SNTB2: variants seen among roughly 807,000 people sequenced by gnomAD.
SNTB2 encodes syntrophin beta 2, also known as beta-2-syntrophin.
Under a neutral mutation model 46.2 loss-of-function variants are expected in SNTB2, and 34 were observed. The observed-to-expected ratio is 0.74, with a 90% confidence interval of 0.56 to 0.98. The LOEUF (loss-of-function observed/expected upper bound fraction) is 0.98. Ranked by LOEUF, SNTB2 falls within the 50% of genes least tolerant of loss-of-function variation. SNTB2 has a pLI of 0.00. For synonymous variants in SNTB2, 290 were observed against 312.6 expected (o/e 0.93, Z 0.76); for missense variants, 603 against 731.4 (o/e 0.82, Z 2.02).
At chr16:69,219,678 T>C (rs1263790825) in intron 1 of SNTB2, among the ~76,000 whole-genome samples, 1 of 152,220 alleles carries the variant, frequency 6.6e-6, no homozygotes, top group Non-Finnish European at 1.5e-5. Flanking sequence ...AATTATTTAA[T>C]AGTTTGTACG....
At chr16:69,260,028 T>C in intron 2 of SNTB2, 22 bp from the exon 3 acceptor site, 1 of 1,603,984 alleles carries the variant, frequency 6.2e-7, no homozygotes, top group Non-Finnish European at 8.5e-7. Flanking sequence ...GCTCACTTTT[T>C]TTTTTTTCTT....
At chr16:69,213,787 C>T (rs900821967) in intron 1 of SNTB2, among the ~76,000 whole-genome samples, 2 of 149,756 alleles carry the variant, frequency 1.3e-5, no homozygotes, top group East Asian at 2.0e-4. Flanking sequence ...TGTGAGCCAC[C>T]GTGCCCAGCT....
intron 1 of SNTB2, among the ~76,000 whole-genome samples, chr16:69,228,265 G>T (rs970133793): frequency 6.6e-6 from 1 of 151,940 alleles, no homozygotes; most frequent in Non-Finnish European, 1.5e-5. Flanking sequence ...CAGCACTTTG[G>T]GAGGCTGACG....
intron 4 of SNTB2, 72 bp from the exon 5 acceptor site, chr16:69,283,976 T>G (rs1266244590): frequency 2.9e-6 from 4 of 1,386,324 alleles, no homozygotes; most frequent in Non-Finnish European, 3.9e-6. Context: ...CTCTTATCAA[T>G]GAGCACAAAT....
At chr16:69,219,327 A>T (rs1964377760) in intron 1 of SNTB2, among the ~76,000 whole-genome samples, 1 of 152,178 alleles carries the variant, frequency 6.6e-6, no homozygotes, top group Non-Finnish European at 1.5e-5. Flanking sequence ...GAATAGGGAG[A>T]TGTTAATTTA....
In SNTB2 at chr16:69,303,123, TC is replaced by T. The variant is rs1965289906; in HGVS notation, c.*2202del. ...CTCAAGTGATCCACCTGCCTTGGCC[TC>T]CCAAAGTGCTGGGATTATAGGTGTG... On this transcript the variant is annotated 3_prime_UTR_variant, in exon 7 of 7. Transcript: ENST00000336278. 1 of 152,198 alleles carries T rather than the reference TC, an allele frequency of 6.6e-6. No individual in the cohort carries two copies. Among genetic ancestry groups the T allele is most frequent in the African/African-American group, 2.4e-5 (1 of 41,440 alleles). The allele number at this position is 152,198 out of a possible 1,614,324, so 9.4% of individuals were successfully genotyped here.
intron 1 of SNTB2, among the ~76,000 whole-genome samples, chr16:69,207,446 C>T (rs1964234645): frequency 6.6e-6 from 1 of 152,144 alleles, no homozygotes; most frequent in South Asian, 2.1e-4. Flanking sequence ...GCGTGAGCCA[C>T]CGCGCCTGGT....
intron 5 of SNTB2, among the ~76,000 whole-genome samples, chr16:69,293,135 A>G (rs913442881): frequency 4.6e-5 from 7 of 152,198 alleles, no homozygotes; most frequent in Non-Finnish European, 8.8e-5. Flanking sequence ...ATCTTGCATA[A>G]AAGAGAGCAA....
At chr16:69,264,606 A>G (rs1458684689) in intron 3 of SNTB2, among the ~76,000 whole-genome samples, 2 of 152,220 alleles carry the variant, frequency 1.3e-5, no homozygotes, top group Non-Finnish European at 2.9e-5. Context: ...AACTACTTTG[A>G]TGAATCTAAG....
At chr16:69,207,293 A>G (rs2152291195) in intron 1 of SNTB2, among the ~76,000 whole-genome samples, 1 of 151,634 alleles carries the variant, frequency 6.6e-6, no homozygotes, top group African/African-American at 2.4e-5. Flanking sequence ...AGCTTGGACT[A>G]TAGGCGTGTG....
intron 1 of SNTB2, among the ~76,000 whole-genome samples, chr16:69,243,619 A>C (rs1292249657): frequency 6.6e-6 from 1 of 152,196 alleles, no homozygotes; most frequent in Admixed American, 6.5e-5. Context: ...ACTGCCTTAA[A>C]TGTTCAAAAA....
chr16:69,272,136 TA>T (rs1964943560), intron 4 of SNTB2, among the ~76,000 whole-genome samples: 1 of 152,146 alleles, frequency 6.6e-6, no homozygotes, highest in Non-Finnish European at 1.5e-5. Context: ...TTCAGAAACT[TA>T]AAAGCTCTTG....
At chr16:69,221,390 T>C (rs961298188) in intron 1 of SNTB2, among the ~76,000 whole-genome samples, 6 of 152,334 alleles carry the variant, frequency 3.9e-5, no homozygotes, top group Admixed American at 2.6e-4. Flanking sequence ...TCCTGAGTTT[T>C]ATAGGTACTG....
At chr16:69,245,204 T>G (rs2152296907) in intron 1 of SNTB2, among the ~76,000 whole-genome samples, 1 of 152,258 alleles carries the variant, frequency 6.6e-6, no homozygotes, top group South Asian at 2.1e-4. Flanking sequence ...TGTTTGTTTG[T>G]TTGTTTGTTT....
chr16:69,214,699 G>A (rs1964329196), intron 1 of SNTB2, among the ~76,000 whole-genome samples: 1 of 144,362 alleles, frequency 6.9e-6, no homozygotes, highest in South Asian at 2.2e-4. Context: ...GCTAATTTTG[G>A]TATATTTAGT....
At chr16:69,211,664 T>C (rs1338443502) in intron 1 of SNTB2, among the ~76,000 whole-genome samples, 2 of 152,194 alleles carry the variant, frequency 1.3e-5, no homozygotes, top group Admixed American at 6.5e-5. Flanking sequence ...AGGGCCAAAT[T>C]TGGGATAACC....
intron 5 of SNTB2, among the ~76,000 whole-genome samples, chr16:69,288,488 TATTACC>T (rs1965127731): frequency 6.6e-6 from 1 of 152,226 alleles, no homozygotes; most frequent in South Asian, 2.1e-4. Context: ...TGTATTTTAA[TATTACC>T]TTGGTAACTG....
chr16:69,203,235 C>T (rs916826476), intron 1 of SNTB2, among the ~76,000 whole-genome samples: 2 of 152,092 alleles, frequency 1.3e-5, no homozygotes, highest in African/African-American at 4.8e-5. Context: ...CTAGGCTGGT[C>T]TCGAACTCCT....
In SNTB2 at chr16:69,251,056, G is replaced by A. The variant is rs1234194090; in HGVS notation, c.794+5241G>A. On this transcript the variant is annotated intron_variant, in intron 2 of 6. Coordinates refer to ENST00000336278, the MANE Select transcript of SNTB2 (RefSeq NM_006750.4). ...TGCAGTGGCGGGATCTCGGCTCACT[G>A]CAAGCTCCGCCTCCCGGGTTCACGC... 6.3e-5 allele frequency among the ~76,000 whole-genome samples: 9 copies of A among 142,406 alleles called. No individual in the cohort carries two copies. The East Asian group carries it at 1.8e-3, about 28-fold the overall frequency. 93.4% of individuals were successfully genotyped at this position (142,406 alleles called of 152,430 possible). A position where few individuals can be genotyped will look rare whatever the true frequency, so the allele number is the denominator to read the frequency against.
Sources: gnomAD v4.1 joint callset for allele counts (sites outside exome capture counted in the v4.1 genomes callset) on GRCh38, gnomAD v4.1.1 for gene constraint, MANE v1.5 for transcripts, NCBI Gene and HGNC (gene_info 2026-07-23, HGNC 2026-07-21) for gene names.